The following UBE3A variants were observed in gnomAD, a reference collection of about 807,000 sequenced individuals.
UBE3A encodes ubiquitin protein ligase E3A.
In UBE3A, 6 loss-of-function variants were observed where a neutral mutation model predicts 83.4. That is an observed-to-expected ratio of 0.07 (90% CI 0.04 to 0.14). The LOEUF (loss-of-function observed/expected upper bound fraction) is 0.14, where lower values mean the gene tolerates loss of function less well. UBE3A is among the 10% of genes least tolerant of loss of function. UBE3A has a pLI of 1.00. For synonymous variants in UBE3A, 337 were observed against 355.4 expected, an observed-to-expected ratio of 0.95 and a Z score of 0.58; for missense variants, 456 against 1,036.1, an observed-to-expected ratio of 0.44 and a Z score of 7.69.
intron 9 of UBE3A, among the ~76,000 whole-genome samples, chr15:25,355,621 G>C (rs2077110917): frequency 6.6e-6 from 1 of 152,112 alleles, no homozygotes; most frequent in South Asian, 2.1e-4. Flanking sequence ...GAAACACCCT[G>C]CTTCTTGCTT....
chr15:25,402,899 C>A (rs1318902794), intron 4 of UBE3A, among the ~76,000 whole-genome samples: 1 of 152,192 alleles, frequency 6.6e-6, no homozygotes, highest in Non-Finnish European at 1.5e-5. Flanking sequence ...ATGAGTGCTG[C>A]AAAGTGCTAG....
intron 4 of UBE3A, among the ~76,000 whole-genome samples, chr15:25,390,961 A>C (rs2084225292): frequency 6.6e-6 from 1 of 152,068 alleles, no homozygotes; most frequent in Non-Finnish European, 1.5e-5. Context: ...AAATCTAAAA[A>C]AAAATAGAAT....
At chr15:25,383,367 T>C (rs2082540377) in intron 4 of UBE3A, among the ~76,000 whole-genome samples, 1 of 152,102 alleles carries the variant, frequency 6.6e-6, no homozygotes, top group South Asian at 2.1e-4. Context: ...CCAGACAGGG[T>C]GGCTCATGCC....
intron 3 of UBE3A, chr15:25,407,513 C>G (rs543075751): frequency 6.5e-6 from 1 of 154,216 alleles, no homozygotes; most frequent in African/African-American, 2.4e-5. Flanking sequence ...ATAACTACAT[C>G]TATCTTCCCA....
chr15:25,380,558 G>A (rs569784067), intron 4 of UBE3A, among the ~76,000 whole-genome samples: 1 of 151,978 alleles, frequency 6.6e-6, no homozygotes, highest in Non-Finnish European at 1.5e-5. Context: ...GAAAAGAAGA[G>A]GAGAGGGGAA....
At chr15:25,396,851 A>T (rs2085693801) in intron 4 of UBE3A, among the ~76,000 whole-genome samples, 1 of 152,148 alleles carries the variant, frequency 6.6e-6, no homozygotes, top group African/African-American at 2.4e-5. Flanking sequence ...TCCTAAAAAC[A>T]AACAGGAGTG....
At chr15:25,358,571 CTG>C (rs1171286090) in intron 7 of UBE3A, among the ~76,000 whole-genome samples, 4 of 152,080 alleles carry the variant, frequency 2.6e-5, no homozygotes, top group African/African-American at 7.2e-5. Context: ...TGAAAAAAAT[CTG>C]TAATTTCCAA....
Position 25,370,510 on chromosome 15 carries a change from T to C in UBE3A, c.1608+56A>G, listed in dbSNP as rs367908654. The C allele has an allele frequency of 8.1e-6, 13 of 1,600,248 alleles. No homozygotes were observed. The Admixed American group carries it at 8.3e-5, about 10-fold the overall frequency. On this transcript the variant is annotated intron_variant, in intron 6 of 12. Coordinates refer to ENST00000648336, the MANE Select transcript of UBE3A (RefSeq NM_130839.5). This position sits in a 1 kb window ranked among gnomAD's most constrained non-coding sequence, Gnocchi z 4.2. ...TCAGTCACTTTTAAAATGAATTCAC[T>C]GAACTGTATCATGATATCCCCATTA...
Position 25,371,900 on chromosome 15 carries a change from A to C in UBE3A, c.362-88T>G. 1 of 1,282,056 alleles carries C rather than the reference A, an allele frequency of 7.8e-7. No individual in the cohort carries two copies. Among genetic ancestry groups the C allele is most frequent in the South Asian group, 1.4e-5 (1 of 72,800 alleles). 79.4% of individuals were successfully genotyped at this position (1,282,056 alleles called of 1,614,324 possible). On this transcript the variant is annotated intron_variant, in intron 5 of 12. Transcript: ENST00000648336. The surrounding 1 kb of genome is among the most constrained non-coding windows in gnomAD (Gnocchi z 5.3). The stretch of plus-strand genomic sequence containing the variant: ...AAAAAGTTCTAAAAGTAAAACAGCC[A>C]AACATTCTAGGCTCAATATCATTTA...
chr15:25,367,228 T>G (rs1051113774), intron 6 of UBE3A, among the ~76,000 whole-genome samples: 1 of 79,598 alleles, frequency 1.3e-5, no homozygotes, highest in Admixed American at 1.1e-4. Context: ...TATTTACATA[T>G]TTGTAAATAT....
intron 2 of UBE3A, among the ~76,000 whole-genome samples, chr15:25,410,357 T>C (rs886309625): frequency 3.3e-5 from 5 of 152,168 alleles, no homozygotes; most frequent in Non-Finnish European, 7.3e-5. Context: ...AGCAGGCCTC[T>C]TTACTGACAC....
intron 6 of UBE3A, among the ~76,000 whole-genome samples, chr15:25,369,376 A>AC (rs1209471042): frequency 1.4e-5 from 2 of 141,572 alleles, no homozygotes; most frequent in Non-Finnish European, 3.1e-5. Context: ...ACCAGTAACA[A>AC]AAAAAAAAAA....
chr15:25,407,186 T>G (rs749059176), intron 3 of UBE3A: 1 of 1,338,846 alleles, frequency 7.5e-7, no homozygotes, highest in Non-Finnish European at 9.8e-7. Context: ...TTTTTGAAAG[T>G]GCGACCCTCC....
At chr15:25,400,471 T>G (rs1420431547) in intron 4 of UBE3A, among the ~76,000 whole-genome samples, 1 of 152,268 alleles carries the variant, frequency 6.6e-6, no homozygotes, top group Non-Finnish European at 1.5e-5. Flanking sequence ...TTTTTATTGT[T>G]GTATTTTTTT....
At chr15:25,407,040 A>G in intron 3 of UBE3A, 2 of 1,332,930 alleles carry the variant, frequency 1.5e-6, no homozygotes, top group Non-Finnish European at 2.0e-6. Context: ...TCCCCCAGGG[A>G]GCAAGCAAAT....
intron 7 of UBE3A, among the ~76,000 whole-genome samples, chr15:25,359,404 A>G (rs986791841): frequency 6.7e-6 from 1 of 148,306 alleles, no homozygotes; most frequent in Non-Finnish European, 1.5e-5. Context: ...TAGCTAGATT[A>G]TAGATAAGGG....
chr15:25,408,476 C>G (rs2089226777), intron 3 of UBE3A: 1 of 1,142,224 alleles, frequency 8.8e-7, no homozygotes, highest in Non-Finnish European at 1.3e-6. Flanking sequence ...GAAACAATAA[C>G]CAAATAACAT....
intron 4 of UBE3A, among the ~76,000 whole-genome samples, chr15:25,379,616 G>T (rs2081833536): frequency 6.6e-6 from 1 of 152,032 alleles, no homozygotes; most frequent in Non-Finnish European, 1.5e-5. Context: ...ATCTAATTTA[G>T]GATATGTAAA....
intron 4 of UBE3A, among the ~76,000 whole-genome samples, chr15:25,385,618 A>G (rs2082982071): frequency 6.6e-6 from 1 of 152,126 alleles, no homozygotes; most frequent in South Asian, 2.1e-4. Flanking sequence ...CCTAACAACA[A>G]GTAAAAAATG....
Sources: allele counts gnomAD v4.1 joint callset (sites outside exome capture counted in the v4.1 genomes callset), GRCh38; gene constraint gnomAD v4.1.1; non-coding constraint Gnocchi (gnomAD v3.1); transcripts MANE v1.5; gene names NCBI Gene and HGNC (gene_info 2026-07-23, HGNC 2026-07-21).